RALYL: variants seen among roughly 807,000 people sequenced by gnomAD.
The protein encoded by RALYL is RALY RNA binding protein like.
Under a neutral mutation model 35.1 loss-of-function variants are expected in RALYL, and 29 were observed. The ratio of observed to expected loss-of-function variants is 0.83; its 90% CI spans 0.61 to 1.13. RALYL has a LOEUF of 1.13. Ranked by LOEUF, RALYL falls within the 50% of genes most tolerant of loss-of-function variation. The probability of loss-of-function intolerance (pLI) is 0.00; values close to 1 mark genes in which losing one functional copy is unlikely to be tolerated. For synonymous variants in RALYL, 120 were observed against 127.6 expected, an observed-to-expected ratio of 0.94 and a Z score of 0.40; for missense variants, 359 against 360.4, an observed-to-expected ratio of 1.00 and a Z score of 0.03.
At chr8:84,664,263 A>ATTTTTTTTTTTTTTTTTTT (rs60423756) in intron 2 of RALYL, among the ~76,000 whole-genome samples, 1 of 58,034 alleles carries the variant, frequency 1.7e-5, no homozygotes, top group Non-Finnish European at 2.9e-5. Context: ...ATGCCTCTAG[A>ATTTTTTTTTTTTTTTTTTT]TTTTTTTTTT....
At chr8:84,879,133 G>A (rs1841736306) in intron 7 of RALYL, among the ~76,000 whole-genome samples, 1 of 152,104 alleles carries the variant, frequency 6.6e-6, no homozygotes. Flanking sequence ...GATCCTAGGA[G>A]ATGAGCTGTG....
At chr8:84,777,840 ACCGTGTTAG>A (rs139016073) in intron 3 of RALYL, among the ~76,000 whole-genome samples, 5,025 of 151,838 alleles carry the variant, frequency 0.033, 269 homozygotes, top group African/African-American at 0.12. Context: ...GCAGCATTTC[ACCGTGTTAG>A]CCAGGATAGT....
intron 1 of RALYL, among the ~76,000 whole-genome samples, chr8:84,438,583 G>C (rs1395007991): frequency 1.3e-5 from 2 of 151,820 alleles, no homozygotes; most frequent in African/African-American, 4.8e-5. Context: ...GTTGAGCCGA[G>C]GTTTTGCCAT....
intron 2 of RALYL, among the ~76,000 whole-genome samples, chr8:84,616,509 T>A (rs879842111): frequency 4.7e-5 from 7 of 149,156 alleles, no homozygotes; most frequent in Non-Finnish European, 9.0e-5. Flanking sequence ...GTCAGATGAG[T>A]AGGTTGCAAA....
intron 1 of RALYL, among the ~76,000 whole-genome samples, chr8:84,257,811 G>A (rs1480683348): frequency 1.3e-5 from 2 of 152,102 alleles, no homozygotes; most frequent in African/African-American, 2.4e-5. Context: ...AGGCAAAAAT[G>A]TTTGCTACAA....
intron 2 of RALYL, among the ~76,000 whole-genome samples, chr8:84,682,469 C>T (rs1411928291): frequency 1.3e-5 from 2 of 152,104 alleles, no homozygotes; most frequent in Non-Finnish European, 2.9e-5. Context: ...CCATCTGGTC[C>T]TGGACGTTTT....
chr8:84,322,120 A>C (rs1844967167), intron 1 of RALYL, among the ~76,000 whole-genome samples: 1 of 152,128 alleles, frequency 6.6e-6, no homozygotes, highest in Non-Finnish European at 1.5e-5. Context: ...CATAAAGCAG[A>C]CAAAAACTCA....
At chr8:84,369,561 G>C (rs977340679) in intron 1 of RALYL, among the ~76,000 whole-genome samples, 3 of 152,038 alleles carry the variant, frequency 2.0e-5, no homozygotes, top group Non-Finnish European at 4.4e-5. Context: ...GTAGGTTGTG[G>C]AAGACATTAC....
intron 1 of RALYL, among the ~76,000 whole-genome samples, chr8:84,508,427 C>A (rs2057348904): frequency 6.6e-6 from 1 of 152,054 alleles, no homozygotes; most frequent in Admixed American, 6.6e-5. Context: ...TAGTTCCTTT[C>A]TGTAAAAAAC....
chr8:84,861,284 G>T (rs926061791), intron 5 of RALYL, among the ~76,000 whole-genome samples: 2 of 152,128 alleles, frequency 1.3e-5, no homozygotes, highest in African/African-American at 4.8e-5. Context: ...TCATGAAAAT[G>T]AGGAAATGTA....
intron 3 of RALYL, among the ~76,000 whole-genome samples, chr8:84,803,467 C>T (rs1055229376): frequency 6.6e-6 from 1 of 152,080 alleles, no homozygotes; most frequent in African/African-American, 2.4e-5. Context: ...ATGAGAAAAA[C>T]AAACACAATA....
chr8:84,596,447 T>G (rs959973098), intron 2 of RALYL, among the ~76,000 whole-genome samples: 3 of 152,156 alleles, frequency 2.0e-5, no homozygotes, highest in Non-Finnish European at 4.4e-5. Flanking sequence ...AACCATCAGT[T>G]TTTCAGGGTT....
chr8:84,318,798 A>G (rs1434057443), intron 1 of RALYL, among the ~76,000 whole-genome samples: 1 of 152,164 alleles, frequency 6.6e-6, no homozygotes, highest in Non-Finnish European at 1.5e-5. Flanking sequence ...CAATATAGGA[A>G]AACTAGCAGG....
intron 1 of RALYL, among the ~76,000 whole-genome samples, chr8:84,320,630 A>T (rs748209292): frequency 3.9e-5 from 6 of 152,126 alleles, no homozygotes; most frequent in Non-Finnish European, 7.4e-5. Context: ...GAAATTATTT[A>T]TTCATTCATG....
intron 1 of RALYL, among the ~76,000 whole-genome samples, chr8:84,387,563 A>G (rs1190285775): frequency 6.6e-6 from 1 of 151,864 alleles, no homozygotes; most frequent in Non-Finnish European, 1.5e-5. Context: ...TTTTTTAAGT[A>G]TCTCTCAGTA....
intron 6 of RALYL, among the ~76,000 whole-genome samples, chr8:84,863,031 A>G (rs1419244569): frequency 2.0e-5 from 3 of 152,226 alleles, no homozygotes; most frequent in Non-Finnish European, 4.4e-5. Context: ...TTCCAACTAA[A>G]CACATTGCTA....
intron 8 of RALYL, 24 bp downstream of exon 8, chr8:84,887,800 C>T: frequency 6.3e-7 from 1 of 1,599,138 alleles, no homozygotes; most frequent in Non-Finnish European, 8.5e-7. Flanking sequence ...ATTTGGTATT[C>T]ACACCCTTTG....
intron 1 of RALYL, among the ~76,000 whole-genome samples, chr8:84,466,422 T>C (rs1030602739): frequency 2.7e-5 from 4 of 149,778 alleles, no homozygotes; most frequent in Admixed American, 6.7e-5. Flanking sequence ...TGTCTTTGGC[T>C]CTGTTTATAT....
At chr8:84,398,243 A>G (rs1242457692) in intron 1 of RALYL, among the ~76,000 whole-genome samples, 1 of 152,156 alleles carries the variant, frequency 6.6e-6, no homozygotes, top group Non-Finnish European at 1.5e-5. Flanking sequence ...ATCCGCAAGC[A>G]CTTTGAACAT....
Sources: gnomAD v4.1 joint callset for allele counts (sites outside exome capture counted in the v4.1 genomes callset) on GRCh38, gnomAD v4.1.1 for gene constraint, MANE v1.5 for transcripts, NCBI Gene and HGNC (gene_info 2026-07-23, HGNC 2026-07-21) for gene names.